The following SDK2 variants were observed in gnomAD, a reference collection of about 807,000 sequenced individuals.
SDK2 encodes the protein protein sidekick-2.
A neutral mutation model predicts 253.9 loss-of-function variants in SDK2; 105 were observed. The observed-to-expected ratio is 0.41, with a 90% confidence interval of 0.35 to 0.49. The LOEUF is 0.49. Among genes scored for constraint, SDK2 ranks in the 20% least tolerant of loss-of-function variants. The pLI is 0.06. For missense variants in SDK2, 2,608 were observed against 3,003.0 expected (o/e 0.87, Z 3.07); for synonymous variants, 1,249 against 1,234.9 (o/e 1.01, Z -0.24).
At chr17:73,559,951 C>T (rs1291897205) in intron 1 of SDK2, among the ~76,000 whole-genome samples, 2 of 152,206 alleles carry the variant, frequency 1.3e-5, no homozygotes, top group African/African-American at 4.8e-5. Context: ...GCTTGCTGGG[C>T]TCAGTGGCAG....
intron 13 of SDK2, 54 bp downstream of exon 13, chr17:73,423,862 C>T (rs8070503): frequency 0.011 from 15,819 of 1,421,792 alleles, 583 homozygotes; most frequent in African/African-American, 0.094. Flanking sequence ...TCTGAGCATG[C>T]CAGTTGCTAT....
intron 38 of SDK2, among the ~76,000 whole-genome samples, 156 bp from the exon 39 acceptor site, chr17:73,362,001 A>G (rs897793975): frequency 6.6e-6 from 1 of 152,008 alleles, no homozygotes; most frequent in African/African-American, 2.4e-5. Flanking sequence ...AGCCCACACA[A>G]CCACATTGCC....
intron 1 of SDK2, among the ~76,000 whole-genome samples, chr17:73,533,193 T>A (rs1410805904): frequency 6.6e-6 from 1 of 152,158 alleles, no homozygotes; most frequent in African/African-American, 2.4e-5. Flanking sequence ...GGCTGGTATG[T>A]GTTGGCGGGA....
At chr17:73,485,384 G>T (rs1426542613) in intron 2 of SDK2, among the ~76,000 whole-genome samples, 1 of 152,190 alleles carries the variant, frequency 6.6e-6, no homozygotes, top group Non-Finnish European at 1.5e-5. Flanking sequence ...GTCAGAGACA[G>T]AGATTCCTGA....
At chr17:73,339,505 A>C (rs1958354000) in intron 44 of SDK2, among the ~76,000 whole-genome samples, 1 of 150,154 alleles carries the variant, frequency 6.7e-6, no homozygotes, top group South Asian at 2.1e-4. Flanking sequence ...TACAGGTGTC[A>C]GCCACTATCC....
rs57228554 is a variant in SDK2, at chr17:73,586,729, T to C, written c.64+57296A>G. Among the ~76,000 whole-genome samples the C allele has an allele frequency of 6.4e-3, 982 of 152,332 alleles. 5 individuals are homozygous for C. The highest frequency in any genetic ancestry group is 0.022 in the African/African-American group (930 of 41,572). On this transcript the variant is annotated intron_variant, in intron 1 of 44. Transcript: ENST00000392650. ...TCTGCAGGCAAAGCATGTGTGACTC[T>C]TTAAGCCTGAAGGTCCAGCAGTTTC...
rs367999239 is a variant in SDK2 at position 73,401,900 on chromosome 17, C to T, written c.2680+46G>A. On this transcript the variant is annotated intron_variant, in intron 19 of 44. Coordinates refer to ENST00000392650, the MANE Select transcript of SDK2 (RefSeq NM_001144952.2). ...CTTCTGCCTGGGGCGCCCAGCCTGG[C>T]CTTGGGCGGGGGGGGGCAGAAAGAG... 2.0e-5 allele frequency: 29 copies of T among 1,468,782 alleles called. No individual in the cohort carries two copies. In the African/African-American group the frequency reaches 3.9e-4, roughly 20 times the overall value. The allele number at this position is 1,468,782 out of a possible 1,614,324, so 91.0% of individuals were successfully genotyped here. A position where few individuals can be genotyped will look rare whatever the true frequency, so the allele number is the denominator to read the frequency against.
intron 1 of SDK2, among the ~76,000 whole-genome samples, chr17:73,626,953 G>A (rs9890986): frequency 0.32 from 49,064 of 152,004 alleles, 8,002 homozygotes; most frequent in South Asian, 0.37. Flanking sequence ...CTTGGCCTGC[G>A]CAGGGGGCCC....
At chr17:73,351,825 A>G (rs1430144044) in intron 41 of SDK2, among the ~76,000 whole-genome samples, 1 of 151,744 alleles carries the variant, frequency 6.6e-6, no homozygotes, top group East Asian at 1.9e-4. Context: ...GGTAAAGGAG[A>G]AGATTTGGTT....
chr17:73,613,748 G>A (rs530996891), intron 1 of SDK2, among the ~76,000 whole-genome samples: 4 of 152,270 alleles, frequency 2.6e-5, no homozygotes, highest in African/African-American at 9.6e-5. Flanking sequence ...TCCACAGCAG[G>A]ACAGGCCTGG....
At chr17:73,355,402 C>CGTG (rs906061914) in intron 40 of SDK2, among the ~76,000 whole-genome samples, 3 of 150,870 alleles carry the variant, frequency 2.0e-5, no homozygotes, top group Admixed American at 1.3e-4. Flanking sequence ...GCTGGAGTGC[C>CGTG]GTGACACGAT....
chr17:73,466,940 G>A (rs887628677), intron 3 of SDK2, among the ~76,000 whole-genome samples: 2 of 152,128 alleles, frequency 1.3e-5, no homozygotes, highest in African/African-American at 2.4e-5. Context: ...CGGTTGGGGC[G>A]AGAATCCACG....
chr17:73,352,689 C>A lies in SDK2; in HGVS notation c.5594-52G>T. 6.3e-7 allele frequency: 1 copy of A among 1,592,782 alleles called. No homozygotes were observed. Among genetic ancestry groups the A allele is most frequent in the Non-Finnish European group, 8.6e-7 (1 of 1,163,620 alleles). On this transcript the variant is annotated intron_variant, in intron 40 of 44. Transcript: ENST00000392650. The surrounding 1 kb of genome is among the most constrained non-coding windows in gnomAD (Gnocchi z 4.1). ...TGGGAGGTGAGGGGAAGCCCCAAAT[C>A]CCGCTCCCAGCCCCGTTCTGACTAT... is the stretch of plus-strand genomic sequence containing the variant.
At chr17:73,601,295 C>T (rs200516038) in intron 1 of SDK2, among the ~76,000 whole-genome samples, 4 of 152,216 alleles carry the variant, frequency 2.6e-5, no homozygotes, top group South Asian at 2.1e-4. Context: ...GCTGGGATTA[C>T]AGGTGTGAGC....
intron 15 of SDK2, 87 bp downstream of exon 15, chr17:73,422,200 G>A (rs539137387): frequency 6.7e-7 from 1 of 1,484,458 alleles, no homozygotes; most frequent in Non-Finnish European, 9.2e-7. Flanking sequence ...AGGAGGAGCT[G>A]AGCCAGAATC....
intron 18 of SDK2, among the ~76,000 whole-genome samples, chr17:73,402,861 G>A (rs926034716): frequency 1.3e-5 from 2 of 152,238 alleles, no homozygotes; most frequent in Non-Finnish European, 2.9e-5. Context: ...ACAGTGGCAA[G>A]ATCTAGGCTC....
chr17:73,342,979 C>G (rs2062451800), intron 44 of SDK2, among the ~76,000 whole-genome samples: 3 of 152,114 alleles, frequency 2.0e-5, no homozygotes, highest in African/African-American at 4.8e-5. Flanking sequence ...GGCCAGGAAG[C>G]CGGGGAGGCT....
chr17:73,437,610 G>C, intron 8 of SDK2, 129 bp downstream of exon 8: 1 of 815,602 alleles, frequency 1.2e-6, no homozygotes, highest in East Asian at 2.5e-5. Context: ...TGCTCAGACA[G>C]CCAGACAGAC....
chr17:73,362,394 A>C (rs1171235948), intron 38 of SDK2, among the ~76,000 whole-genome samples: 2 of 147,288 alleles, frequency 1.4e-5, no homozygotes, highest in Non-Finnish European at 3.0e-5. Context: ...TCCAGCACCT[A>C]TATCTGCCAC....
Sources: allele counts gnomAD v4.1 joint callset (sites outside exome capture counted in the v4.1 genomes callset), GRCh38; gene constraint gnomAD v4.1.1; non-coding constraint Gnocchi (gnomAD v3.1); transcripts MANE v1.5; gene names NCBI Gene and HGNC (gene_info 2026-07-23, HGNC 2026-07-21).